The following CNTN5 variants were observed in gnomAD, a reference collection of about 807,000 sequenced individuals.
CNTN5 encodes contactin 5.
Under a neutral mutation model 129.1 loss-of-function variants are expected in CNTN5, and 77 were observed. That is an observed-to-expected ratio of 0.60 (90% CI 0.50 to 0.72). CNTN5 has a LOEUF of 0.72. Among genes scored for constraint, CNTN5 ranks in the 30% least tolerant of loss-of-function variants. CNTN5 has a pLI of 0.00. For synonymous variants in CNTN5, 509 were observed against 465.6 expected (o/e 1.09, Z -1.20); for missense variants, 1,478 against 1,328.8 (o/e 1.11, Z -1.75).
At chr11:99,950,988 AAAT>A (rs1180005093) in intron 7 of CNTN5, among the ~76,000 whole-genome samples, 2 of 152,322 alleles carry the variant, frequency 1.3e-5, no homozygotes, top group East Asian at 1.9e-4. Context: ...AAGATGATTA[AAAT>A]AATAATAACT....
chr11:99,177,897 A>C (rs887684621), intron 1 of CNTN5, among the ~76,000 whole-genome samples: 2 of 152,166 alleles, frequency 1.3e-5, no homozygotes, highest in Admixed American at 6.5e-5. Context: ...AATTCTATAG[A>C]GTTCAGAGAC....
chr11:99,796,726 A>C (rs1945954520), intron 3 of CNTN5, among the ~76,000 whole-genome samples: 1 of 152,000 alleles, frequency 6.6e-6, no homozygotes, highest in South Asian at 2.1e-4. Context: ...CCTAGGGCTC[A>C]AGTCTCCTAG....
At chr11:100,285,847 G>C (rs1950771555) in intron 18 of CNTN5, among the ~76,000 whole-genome samples, 1 of 152,184 alleles carries the variant, frequency 6.6e-6, no homozygotes, top group Non-Finnish European at 1.5e-5. Context: ...TGAGGTACCG[G>C]GTTCATCTCA....
intron 1 of CNTN5, among the ~76,000 whole-genome samples, chr11:99,148,627 A>G (rs907014404): frequency 5.3e-5 from 8 of 152,154 alleles, no homozygotes; most frequent in African/African-American, 1.9e-4. Flanking sequence ...AAACTCAGCT[A>G]TTTGTTACAA....
At chr11:99,119,856 T>C (rs925008831) in intron 1 of CNTN5, among the ~76,000 whole-genome samples, 1 of 152,156 alleles carries the variant, frequency 6.6e-6, no homozygotes, top group Non-Finnish European at 1.5e-5. Context: ...GTGTTTTTGA[T>C]TTGCATTTTT....
intron 3 of CNTN5, among the ~76,000 whole-genome samples, chr11:99,677,320 T>C (rs1953333133): frequency 6.6e-6 from 1 of 151,802 alleles, no homozygotes. Flanking sequence ...TACATGTTCA[T>C]GGGAGCTGTT....
intron 2 of CNTN5, among the ~76,000 whole-genome samples, chr11:99,382,030 T>G (rs1351939789): frequency 6.6e-6 from 1 of 151,824 alleles, no homozygotes; most frequent in African/African-American, 2.4e-5. Flanking sequence ...GCTCTTGAAA[T>G]TAGAATTAGG....
intron 2 of CNTN5, among the ~76,000 whole-genome samples, chr11:99,431,215 T>G (rs1274709216): frequency 6.6e-6 from 1 of 152,038 alleles, no homozygotes; most frequent in African/African-American, 2.4e-5. Flanking sequence ...AAGACCAGCT[T>G]GTTGTCAGTC....
chr11:99,074,740 T>C (rs950328408), intron 1 of CNTN5, among the ~76,000 whole-genome samples: 1 of 152,226 alleles, frequency 6.6e-6, no homozygotes, highest in Non-Finnish European at 1.5e-5. Context: ...ATTTAAAAAG[T>C]GTGATTGCTA....
intron 4 of CNTN5, among the ~76,000 whole-genome samples, chr11:99,822,292 A>G (rs1163879687): frequency 6.6e-6 from 1 of 152,228 alleles, no homozygotes; most frequent in Non-Finnish European, 1.5e-5. Flanking sequence ...CCATACAAGT[A>G]CGAGGAAATA....
chr11:99,388,777 A>G (rs183681050), intron 2 of CNTN5, among the ~76,000 whole-genome samples: 1 of 152,272 alleles, frequency 6.6e-6, no homozygotes, highest in African/African-American at 2.4e-5. Flanking sequence ...TTATAACCAT[A>G]CAAACTTGCC....
At chr11:99,496,595 T>C (rs1396184831) in intron 2 of CNTN5, among the ~76,000 whole-genome samples, 1 of 152,220 alleles carries the variant, frequency 6.6e-6, no homozygotes, top group African/African-American at 2.4e-5. Context: ...AATTCCCAGA[T>C]AGATAGATCA....
At chr11:99,506,736 T>A (rs1180205980) in intron 2 of CNTN5, among the ~76,000 whole-genome samples, 3 of 152,206 alleles carry the variant, frequency 2.0e-5, no homozygotes, top group African/African-American at 7.2e-5. Context: ...ATTGTTATTG[T>A]CTGTTTACTT....
intron 1 of CNTN5, among the ~76,000 whole-genome samples, chr11:99,123,693 G>A (rs1404752075): frequency 6.7e-6 from 1 of 148,710 alleles, no homozygotes; most frequent in Non-Finnish European, 1.5e-5. Context: ...TTACATTTAA[G>A]TCTTTAATTT....
intron 13 of CNTN5, among the ~76,000 whole-genome samples, chr11:100,163,406 A>G (rs542157283): frequency 3.3e-5 from 5 of 151,952 alleles, no homozygotes; most frequent in Admixed American, 6.6e-5. Flanking sequence ...AATGTTTTGT[A>G]TATCAGAGCA....
At chr11:99,582,987 T>C (rs1197864233) in intron 3 of CNTN5, among the ~76,000 whole-genome samples, 1 of 152,224 alleles carries the variant, frequency 6.6e-6, no homozygotes, top group Non-Finnish European at 1.5e-5. Flanking sequence ...GATGGTGACG[T>C]ACAGATGGGT....
intron 21 of CNTN5, chr11:100,308,913 T>G: frequency 1.0e-6 from 1 of 983,206 alleles, no homozygotes; most frequent in Non-Finnish European, 1.2e-6. Context: ...TATCTATGTA[T>G]TCAGATAGTT....
chr11:99,473,705 A>G (rs1945263942), intron 2 of CNTN5, among the ~76,000 whole-genome samples: 2 of 152,068 alleles, frequency 1.3e-5, no homozygotes, highest in South Asian at 2.1e-4. Flanking sequence ...CTATAATTAA[A>G]GTAAAAGCAC....
intron 18 of CNTN5, among the ~76,000 whole-genome samples, chr11:100,277,887 A>G (rs1950549017): frequency 6.6e-6 from 1 of 151,742 alleles, no homozygotes. Context: ...GTCTTTGCCT[A>G]CTCCGTTGTC....
Sources: allele counts gnomAD v4.1 joint callset (sites outside exome capture counted in the v4.1 genomes callset), GRCh38; gene constraint gnomAD v4.1.1; transcripts MANE v1.5; gene names NCBI Gene and HGNC (gene_info 2026-07-23, HGNC 2026-07-21).